TEKT5: variants seen among roughly 807,000 people sequenced by gnomAD.
The protein encoded by TEKT5 is tektin 5.
A neutral mutation model predicts 48.7 loss-of-function variants in TEKT5; 52 were observed. That is an observed-to-expected ratio of 1.07 (90% CI 0.86 to 1.35). The LOEUF (loss-of-function observed/expected upper bound fraction) is 1.35. Ranked by LOEUF, TEKT5 falls within the 40% of genes most tolerant of loss-of-function variation. The pLI is 0.00. For missense variants in TEKT5, 831 were observed against 641.6 expected (o/e 1.30, Z -3.19); for synonymous variants, 318 against 267.6 (o/e 1.19, Z -1.84).
intron 5 of TEKT5, among the ~76,000 whole-genome samples, chr16:10,675,073 G>T (rs932253831): frequency 2.0e-5 from 3 of 152,064 alleles, no homozygotes; most frequent in Admixed American, 1.3e-4. Flanking sequence ...TGATCTGCCC[G>T]CCTCAGCCTC....
At chr16:10,666,978 CTT>C (rs201657619) in intron 5 of TEKT5, among the ~76,000 whole-genome samples, 4 of 124,676 alleles carry the variant, frequency 3.2e-5, no homozygotes, top group Admixed American at 1.7e-4. Context: ...TGGCTCCTTA[CTT>C]TTTTTTTTTT....
Position 10,627,504 on chromosome 16 carries a change from CA to C in TEKT5, c.*78del. 6.8e-7 allele frequency: 1 copy of C among 1,463,260 alleles called. No homozygotes were observed. The highest frequency in any genetic ancestry group is 2.3e-5 in the East Asian group (1 of 43,186). The allele number at this position is 1,463,260 out of a possible 1,614,324, so 90.6% of individuals were successfully genotyped here. On this transcript the variant is annotated 3_prime_UTR_variant, in exon 7 of 7. Coordinates refer to ENST00000283025, the MANE Select transcript of TEKT5 (RefSeq NM_144674.2). ...AAGAAAAAAAGAAAGTCGGCCCTTT[CA>C]AACAAAATACTGTTTTACTTTGTTT...
intron 5 of TEKT5, among the ~76,000 whole-genome samples, chr16:10,666,724 G>A (rs1210575182): frequency 6.6e-6 from 1 of 152,206 alleles, no homozygotes; most frequent in Admixed American, 6.5e-5. Flanking sequence ...ATGGGGTGTT[G>A]TTCTGAAGTC....
intron 6 of TEKT5, among the ~76,000 whole-genome samples, chr16:10,628,564 A>G (rs1897790447): frequency 6.6e-6 from 1 of 152,222 alleles, no homozygotes; most frequent in Non-Finnish European, 1.5e-5. Context: ...GGATAAGCAC[A>G]ATGTAATCGA....
intron 5 of TEKT5, among the ~76,000 whole-genome samples, chr16:10,651,789 G>C (rs113593660): frequency 5.7e-4 from 87 of 152,088 alleles, no homozygotes; most frequent in Middle Eastern, 3.4e-3. Context: ...GCGAAACCCC[G>C]TCTCTACTAA....
intron 5 of TEKT5, among the ~76,000 whole-genome samples, chr16:10,664,628 A>C (rs2142290028): frequency 6.6e-6 from 1 of 152,366 alleles, no homozygotes; most frequent in East Asian, 1.9e-4. Flanking sequence ...CATCTGGGCA[A>C]TTCCAATGTG....
intron 3 of TEKT5, 146 bp from the exon 4 acceptor site, chr16:10,682,282 C>T (rs920504501): frequency 2.5e-6 from 2 of 807,784 alleles, no homozygotes; most frequent in Admixed American, 2.6e-5. Context: ...CCATGTCCCA[C>T]CACATACCCA....
intron 5 of TEKT5, among the ~76,000 whole-genome samples, chr16:10,660,242 A>G (rs1898341958): frequency 6.6e-6 from 1 of 152,182 alleles, no homozygotes; most frequent in Admixed American, 6.5e-5. Flanking sequence ...CCTGTGTAAT[A>G]GAAAAGGGCT....
At chr16:10,668,914 T>G (rs1898506770) in intron 5 of TEKT5, among the ~76,000 whole-genome samples, 1 of 151,684 alleles carries the variant, frequency 6.6e-6, no homozygotes, top group Non-Finnish European at 1.5e-5. Flanking sequence ...GGTCTGAGGC[T>G]AACTGGAGCA....
At chr16:10,647,601 T>G (rs528695023) in intron 5 of TEKT5, among the ~76,000 whole-genome samples, 8 of 152,246 alleles carry the variant, frequency 5.3e-5, no homozygotes, top group Non-Finnish European at 1.0e-4. Flanking sequence ...AATCTAGAGA[T>G]GCCTCAGGCC....
intron 3 of TEKT5, among the ~76,000 whole-genome samples, chr16:10,684,271 G>A (rs1898814706): frequency 6.6e-6 from 1 of 151,946 alleles, no homozygotes; most frequent in Admixed American, 6.6e-5. Flanking sequence ...CTGTCTCTCT[G>A]CCTTTCTCTC....
rs748005920 is a variant in TEKT5 at position 10,694,436 on chromosome 16, C to T, written c.438G>A (p.Ser146=). ...GTCRNLGQRL[S]DIGFWKSELS... ...GCTCTGACTTCCAGAAGCCAATGTC[C>T]GACAGCCTCTGGCCCAGGTTCCGGC... Residue 146 remains serine, a synonymous_variant, in exon 1 of 7, where the codon TCG becomes TCA. Transcript: ENST00000283025. The T allele has an allele frequency of 2.7e-5, 44 of 1,614,034 alleles. No homozygotes were observed. The highest frequency in any genetic ancestry group is 1.6e-4 in the Middle Eastern group (1 of 6,084).
intron 5 of TEKT5, among the ~76,000 whole-genome samples, chr16:10,655,360 A>G (rs1898243635): frequency 6.6e-6 from 1 of 152,200 alleles, no homozygotes; most frequent in Admixed American, 6.5e-5. Context: ...CAGTTCCACT[A>G]CTTACCCCCT....
chr16:10,679,905 T>C (rs957816547), intron 4 of TEKT5, among the ~76,000 whole-genome samples: 1 of 150,236 alleles, frequency 6.7e-6, no homozygotes, highest in Non-Finnish European at 1.5e-5. Flanking sequence ...CTCAAATAAA[T>C]AAATAAATAA....
intron 5 of TEKT5, among the ~76,000 whole-genome samples, chr16:10,640,285 G>A (rs1474721096): frequency 6.6e-6 from 1 of 151,994 alleles, no homozygotes; most frequent in Non-Finnish European, 1.5e-5. Flanking sequence ...TGGGACTACA[G>A]GTGCCTGCCA....
intron 5 of TEKT5, among the ~76,000 whole-genome samples, chr16:10,656,530 G>C (rs1290289577): frequency 6.6e-6 from 1 of 152,164 alleles, no homozygotes; most frequent in Non-Finnish European, 1.5e-5. Context: ...TGAGATGACA[G>C]GTGTGAGCCA....
At chr16:10,672,687 TA>T (rs2142297689) in intron 5 of TEKT5, among the ~76,000 whole-genome samples, 2 of 152,246 alleles carry the variant, frequency 1.3e-5, no homozygotes, top group African/African-American at 4.8e-5. Flanking sequence ...GGGACAAGGT[TA>T]AATCAGGAGC....
chr16:10,633,451 G>C (rs1897868890), intron 6 of TEKT5, among the ~76,000 whole-genome samples: 1 of 152,090 alleles, frequency 6.6e-6, no homozygotes, highest in Non-Finnish European at 1.5e-5. Flanking sequence ...AAGAAGCAGG[G>C]GCAGAGGGAA....
chr16:10,653,751 A>G (rs1301163017), intron 5 of TEKT5, among the ~76,000 whole-genome samples: 1 of 152,150 alleles, frequency 6.6e-6, no homozygotes, highest in East Asian at 1.9e-4. Context: ...CGTCTCTACT[A>G]AAAACACAAA....
Sources: allele counts gnomAD v4.1 joint callset (sites outside exome capture counted in the v4.1 genomes callset), GRCh38; gene constraint gnomAD v4.1.1; transcripts MANE v1.5; gene names NCBI Gene and HGNC (gene_info 2026-07-23, HGNC 2026-07-21).